Variants in VPS13A observed in about 807,000 individuals in gnomAD.
VPS13A encodes vacuolar protein sorting 13 homolog A.
In VPS13A, 264 loss-of-function variants were observed where a neutral mutation model predicts 390.9. The ratio of observed to expected loss-of-function variants is 0.68; its 90% CI spans 0.61 to 0.75. VPS13A has a LOEUF of 0.75. Ranked by LOEUF, VPS13A falls within the 30% of genes least tolerant of loss-of-function variation. The probability of loss-of-function intolerance (pLI) is 0.00; values close to 1 mark genes in which losing one functional copy is unlikely to be tolerated. For missense variants in VPS13A, 3,409 were observed against 3,733.9 expected (o/e 0.91, Z 2.27); for synonymous variants, 1,231 against 1,227.1 (o/e 1.00, Z -0.07).
At chr9:77,345,411 G>A (rs1480036103) in intron 52 of VPS13A, among the ~76,000 whole-genome samples, 2 of 152,202 alleles carry the variant, frequency 1.3e-5, no homozygotes, top group Non-Finnish European at 2.9e-5. Context: ...CTGATGAGGA[G>A]TCTGTCAGAG....
intron 67 of VPS13A, among the ~76,000 whole-genome samples, chr9:77,381,321 A>G (rs1013362980): frequency 6.6e-6 from 1 of 152,032 alleles, no homozygotes; most frequent in African/African-American, 2.4e-5. Context: ...GCTGCCCAGG[A>G]TTGGGGTATG....
chr9:77,195,618 T>G (rs548415614), intron 1 of VPS13A, among the ~76,000 whole-genome samples: 1 of 152,172 alleles, frequency 6.6e-6, no homozygotes, highest in South Asian at 2.1e-4. Flanking sequence ...GCCCCTGTAA[T>G]CCCAGCTACT....
In VPS13A at chr9:77,252,334, T is replaced by C. The variant is rs1283304511; in HGVS notation, c.2270T>C (p.Met757Thr). The C allele has an allele frequency of 4.3e-6, 7 of 1,613,516 alleles. No homozygotes were observed. Among genetic ancestry groups the C allele is most frequent in the Non-Finnish European group, 5.9e-6 (7 of 1,179,462 alleles). ...GAACTGTCTAAGGCCATGGTTTTCA[T>C]GGATGTAAGGATGCCCAAGTATGTA... ...NLELSKAMVF[M>T]DVRMPKFKIY... Residue 757 changes from methionine to threonine, a missense_variant, in exon 22 of 72, where the codon ATG becomes ACG. Around this residue, in one of 5 missense-constraint regions of VPS13A, gnomAD observed 2,717 missense variants for 2,917.4 expected, o/e 0.93. Transcript: ENST00000360280.
chr9:77,177,610 C>G lies in VPS13A; in HGVS notation c.-95C>G. The G allele has an allele frequency of 8.5e-7, 1 of 1,180,654 alleles. No individual in the cohort carries two copies. The highest frequency in any genetic ancestry group is 1.2e-6 in the Non-Finnish European group (1 of 812,644). 73.1% of individuals were successfully genotyped at this position (1,180,654 alleles called of 1,614,324 possible). A position where few individuals can be genotyped will look rare whatever the true frequency, so the allele number is the denominator to read the frequency against. On this transcript the variant is annotated 5_prime_UTR_variant, in exon 1 of 72. Transcript: ENST00000360280. ...CGCCGCAGCTGAAGCCGCCCCGGAGCCGGTGAACCGAATTACCTCGAGGGA... is the reference window on the plus strand; with the variant it reads ...CGCCGCAGCTGAAGCCGCCCCGGAGGCGGTGAACCGAATTACCTCGAGGGA...
chr9:77,315,986 C>T (rs1829357168), intron 38 of VPS13A, among the ~76,000 whole-genome samples, 188 bp from the exon 39 acceptor site: 1 of 151,752 alleles, frequency 6.6e-6, no homozygotes, highest in Admixed American at 6.6e-5. Context: ...GGAGATTTCC[C>T]CTCATTTAAA....
intron 17 of VPS13A, among the ~76,000 whole-genome samples, chr9:77,236,654 G>A (rs1350563365): frequency 6.6e-6 from 1 of 152,182 alleles, no homozygotes; most frequent in African/African-American, 2.4e-5. Context: ...ATTAGTGTTT[G>A]CTCTAATTGA....
intron 68 of VPS13A, among the ~76,000 whole-genome samples, chr9:77,401,056 TATA>T (rs1834368311): frequency 6.6e-6 from 1 of 152,168 alleles, no homozygotes; most frequent in African/African-American, 2.4e-5. Context: ...GATAGGATTT[TATA>T]ATGTCGTATA....
At chr9:77,255,745 T>C (rs1825400849) in intron 22 of VPS13A, among the ~76,000 whole-genome samples, 1 of 152,088 alleles carries the variant, frequency 6.6e-6, no homozygotes, top group African/African-American at 2.4e-5. Context: ...GATTTGTGTT[T>C]CTTGGAATTT....
Position 77,207,182 on chromosome 9 carries a change from T to C in VPS13A, c.385+1103T>C, listed in dbSNP as rs1238039024. On this transcript the variant is annotated intron_variant, in intron 5 of 71. Transcript: ENST00000360280. The stretch of plus-strand genomic sequence containing the variant: ...GCACCTATATTACTAAATATGGTGC[T>C]CAAACCTCTGTGTCTTGATTTATTT... Among the ~76,000 whole-genome samples, 5 of 132,258 alleles carry C rather than the reference T, an allele frequency of 3.8e-5. 1 individual carries two copies. Among genetic ancestry groups the C allele is most frequent in the Non-Finnish European group, 8.0e-5 (5 of 62,136 alleles). 86.8% of individuals were successfully genotyped at this position (132,258 alleles called of 152,430 possible). A position where few individuals can be genotyped will look rare whatever the true frequency, so the allele number is the denominator to read the frequency against.
intron 68 of VPS13A, among the ~76,000 whole-genome samples, chr9:77,399,167 T>TAATAAAAAAAAAAAAAAAAAGAAAA (rs1834246185): frequency 1.2e-5 from 1 of 86,060 alleles, no homozygotes; most frequent in Non-Finnish European, 2.5e-5. Flanking sequence ...TAGAGTATAA[T>TAATAAAAAAAAAAAAAAAAAGAAAA]AAAAAAAAAA....
chr9:77,363,010 A>G (rs1396686633), intron 59 of VPS13A, among the ~76,000 whole-genome samples: 2 of 152,098 alleles, frequency 1.3e-5, no homozygotes, highest in East Asian at 3.9e-4. Context: ...TGTTCCGTAT[A>G]TTCTTTTGGG....
intron 9 of VPS13A, 91 bp downstream of exon 9, chr9:77,213,405 A>AT: frequency 1.9e-6 from 2 of 1,067,508 alleles, no homozygotes; most frequent in East Asian, 2.5e-5. Flanking sequence ...TGTAGTCAGT[A>AT]TTTTTTCCTA....
chr9:77,240,775 A>G (rs1229652306), intron 19 of VPS13A, among the ~76,000 whole-genome samples: 6 of 152,042 alleles, frequency 3.9e-5, no homozygotes, highest in Admixed American at 3.9e-4. Flanking sequence ...TGCCCGTTGC[A>G]TATTAGCTTG....
chr9:77,402,558 A>G (rs1038479415), intron 68 of VPS13A, among the ~76,000 whole-genome samples: 10 of 152,024 alleles, frequency 6.6e-5, no homozygotes, highest in African/African-American at 2.4e-4. Flanking sequence ...GTCCATCCTC[A>G]GAGCAAATAT....
chr9:77,337,469 A>G lies in VPS13A; in HGVS notation c.6310A>G (p.Ile2104Val), dbSNP rs745856036. 1.2e-6 allele frequency: 2 copies of G among 1,613,726 alleles called. No individual in the cohort carries two copies. The highest frequency in any genetic ancestry group is 1.1e-5 in the South Asian group (1 of 91,022). The change falls in exon 47 of 72, where the codon ATA becomes GTA. Residue 2104 changes from isoleucine to valine, a missense_variant. This residue lies in a region of VPS13A where 2,717 missense variants were observed against 2,917.4 expected (regional missense o/e 0.93). Coordinates refer to ENST00000360280, the MANE Select transcript of VPS13A (RefSeq NM_033305.3). ...AGAAGATGGTTGGGATTTACCATAC[A>G]TAATGCATTTGTGGCCACCTATCCT... Reference protein sequence around the residue: ...YSEDGWDLPYIMHLWPPILLR... With the variant: ...YSEDGWDLPYVMHLWPPILLR...
chr9:77,278,237 A>ATTTTTTTTTT (rs57545793), intron 26 of VPS13A, among the ~76,000 whole-genome samples: 689 of 114,778 alleles, frequency 6.0e-3, no homozygotes, highest in African/African-American at 7.6e-3. Context: ...CGCCCAGCTA[A>ATTTTTTTTTT]TTTTTTTTTT....
At chr9:77,285,791 A>G (rs1415024611) in intron 31 of VPS13A, among the ~76,000 whole-genome samples, 1 of 147,514 alleles carries the variant, frequency 6.8e-6, no homozygotes, top group African/African-American at 2.5e-5. Flanking sequence ...TATGGCATTC[A>G]GTATCCAAAG....
At chr9:77,203,806 T>C (rs961501412) in intron 3 of VPS13A, among the ~76,000 whole-genome samples, 2 of 152,230 alleles carry the variant, frequency 1.3e-5, no homozygotes, top group East Asian at 3.8e-4. Context: ...TATTTCATTT[T>C]GGTTATATTT....
intron 10 of VPS13A, among the ~76,000 whole-genome samples, chr9:77,217,743 G>C (rs998015958): frequency 2.7e-5 from 4 of 150,434 alleles, no homozygotes; most frequent in African/African-American, 9.8e-5. Flanking sequence ...CTTTGCTATT[G>C]TGAATAGTGC....
Sources: allele counts gnomAD v4.1 joint callset (sites outside exome capture counted in the v4.1 genomes callset), GRCh38; gene constraint gnomAD v4.1.1; regional missense constraint gnomAD v4.1.1; transcripts MANE v1.5; gene names NCBI Gene and HGNC (gene_info 2026-07-23, HGNC 2026-07-21).